Variants in PTPN21 observed in about 807,000 individuals in gnomAD.
The protein encoded by PTPN21 is protein tyrosine phosphatase non-receptor type 21.
Under a neutral mutation model 131.8 loss-of-function variants are expected in PTPN21, and 77 were observed. The observed-to-expected ratio is 0.58, with a 90% CI of 0.49 to 0.71. The LOEUF (loss-of-function observed/expected upper bound fraction) is 0.71. Among genes scored for constraint, PTPN21 ranks in the 30% least tolerant of loss-of-function variants. The probability of loss-of-function intolerance (pLI) is 0.00; values close to 1 mark genes in which losing one functional copy is unlikely to be tolerated. For synonymous variants in PTPN21, 715 were observed against 621.3 expected (o/e 1.15, Z -2.24); for missense variants, 1,552 against 1,527.1 (o/e 1.02, Z -0.27).
chr14:88,489,631 C>T (rs2077792478), intron 10 of PTPN21, among the ~76,000 whole-genome samples: 1 of 152,140 alleles, frequency 6.6e-6, no homozygotes, highest in African/African-American at 2.4e-5. Context: ...GCCTGGAAGA[C>T]AGAGCAAGAC....
At chr14:88,549,267 T>C (rs575355486) in intron 2 of PTPN21, among the ~76,000 whole-genome samples, 59 of 151,978 alleles carry the variant, frequency 3.9e-4, no homozygotes, top group Non-Finnish European at 7.5e-4. Context: ...AAAATTAAAA[T>C]GAACAAAAAA....
intron 2 of PTPN21, chr14:88,547,453 G>C: frequency 3.9e-6 from 1 of 255,998 alleles, no homozygotes; most frequent in Non-Finnish European, 7.8e-6. Flanking sequence ...TCCCAGACCA[G>C]CCTGGGCGAC....
At chr14:88,505,519 A>G (rs1184503521) in intron 4 of PTPN21, 148 bp from the exon 5 acceptor site, 2 of 513,058 alleles carry the variant, frequency 3.9e-6, no homozygotes, top group Non-Finnish European at 3.4e-6. Flanking sequence ...ATATTTTTAA[A>G]GTATCTTTTT....
intron 2 of PTPN21, among the ~76,000 whole-genome samples, chr14:88,536,786 CCTTT>C (rs1349926862): frequency 6.6e-6 from 1 of 152,130 alleles, no homozygotes; most frequent in Non-Finnish European, 1.5e-5. Context: ...CATCCTGATG[CCTTT>C]CTTAGACTAG....
intron 2 of PTPN21, among the ~76,000 whole-genome samples, chr14:88,525,125 A>C (rs752204287): frequency 2.6e-5 from 4 of 152,124 alleles, no homozygotes; most frequent in Non-Finnish European, 4.4e-5. Flanking sequence ...CTGTAGTCCC[A>C]GCTATTCAAG....
chr14:88,499,375 T>A (rs899276937), intron 8 of PTPN21: 2 of 152,236 alleles, frequency 1.3e-5, no homozygotes, highest in Non-Finnish European at 2.9e-5. Context: ...CCAAACTAGT[T>A]CTCAAGAAGA....
In PTPN21 at chr14:88,517,315, T is replaced by C; in HGVS notation, c.181-54A>G. The C allele has an allele frequency of 2.5e-6, 4 of 1,576,912 alleles. No individual in the cohort carries two copies. In the South Asian group the frequency reaches 4.4e-5, roughly 18 times the overall value. ...GCAATAACATACAAAAGGATTTCAATGACTTCAGTCGCACTAATCCCTGAC... is the reference window on the plus strand; with the variant it reads ...GCAATAACATACAAAAGGATTTCAACGACTTCAGTCGCACTAATCCCTGAC... On this transcript the variant is annotated intron_variant, in intron 2 of 18. Coordinates refer to ENST00000556564, the MANE Select transcript of PTPN21 (RefSeq NM_007039.4).
intron 2 of PTPN21, 127 bp from the exon 3 acceptor site, chr14:88,517,388 G>A (rs1196850166): frequency 7.9e-6 from 8 of 1,018,722 alleles, no homozygotes; most frequent in East Asian, 2.5e-5. Flanking sequence ...TCTCAGAGAA[G>A]AACAACAGCA....
At chr14:88,515,520 A>C (rs890508102) in intron 3 of PTPN21, 1 of 152,110 alleles carries the variant, frequency 6.6e-6, no homozygotes, top group Non-Finnish European at 1.5e-5. Context: ...TTTATTGCTA[A>C]TGTCTATTTT....
chr14:88,482,485 G>A (rs1276343730), intron 12 of PTPN21, among the ~76,000 whole-genome samples: 6 of 152,094 alleles, frequency 3.9e-5, no homozygotes, highest in Non-Finnish European at 8.8e-5. Flanking sequence ...TTAGCTGGGC[G>A]TGGTGGCGCA....
chr14:88,518,287 C>A, intron 2 of PTPN21, among the ~76,000 whole-genome samples: 1 of 90,780 alleles, frequency 1.1e-5, no homozygotes, highest in Non-Finnish European at 2.1e-5. Flanking sequence ...CACACACATA[C>A]GCACACACAC....
Position 88,470,055 on chromosome 14 carries a change from G to T in PTPN21, c.2872-5C>A. ...TTCGATTCCACTGACAGAGACCTGG[G>T]ATTAGAAAAGGTTAAAAAAATTGAT... is the stretch of plus-strand genomic sequence containing the variant. On this transcript the variant is annotated splice_region_variant and splice_polypyrimidine_tract_variant and intron_variant, in intron 15 of 18. Coordinates refer to ENST00000556564, the MANE Select transcript of PTPN21 (RefSeq NM_007039.4). 5 of 1,611,638 alleles carry T rather than the reference G, an allele frequency of 3.1e-6. No individual in the cohort carries two copies. The highest frequency in any genetic ancestry group is 4.2e-6 in the Non-Finnish European group (5 of 1,177,888).
chr14:88,505,191 T>G (rs2078069175), intron 5 of PTPN21, 113 bp downstream of exon 5: 1 of 889,058 alleles, frequency 1.1e-6, no homozygotes, highest in African/African-American at 1.7e-5. Context: ...AATTTTTTTT[T>G]ATAATCCTAT....
intron 2 of PTPN21, among the ~76,000 whole-genome samples, chr14:88,527,933 T>C (rs1473528951): frequency 6.6e-6 from 1 of 152,208 alleles, no homozygotes; most frequent in African/African-American, 2.4e-5. Flanking sequence ...CTTTATGTTT[T>C]TGTTTCCTTT....
chr14:88,531,531 T>C (rs1258504467), intron 2 of PTPN21, among the ~76,000 whole-genome samples: 1 of 152,130 alleles, frequency 6.6e-6, no homozygotes, highest in Non-Finnish European at 1.5e-5. Flanking sequence ...CACTCCAGCC[T>C]GGACAACAGA....
intron 6 of PTPN21, 69 bp downstream of exon 6, chr14:88,504,356 A>T: frequency 8.4e-7 from 1 of 1,189,638 alleles, no homozygotes; most frequent in Non-Finnish European, 1.2e-6. Flanking sequence ...TTAAATATTT[A>T]ATTGAATATT....
chr14:88,512,697 C>G (rs917995253), intron 3 of PTPN21: 1 of 152,216 alleles, frequency 6.6e-6, no homozygotes, highest in South Asian at 2.1e-4. Flanking sequence ...TGTGGCTATT[C>G]AGTACCTGAA....
intron 2 of PTPN21, among the ~76,000 whole-genome samples, chr14:88,529,026 G>A (rs943832605): frequency 6.6e-6 from 1 of 152,124 alleles, no homozygotes; most frequent in Admixed American, 6.6e-5. Context: ...GAAGAGAAGT[G>A]GTGAAAGTTA....
intron 1 of PTPN21, among the ~76,000 whole-genome samples, chr14:88,551,022 CA>C (rs1441757147): frequency 6.6e-6 from 1 of 152,088 alleles, no homozygotes; most frequent in Admixed American, 6.5e-5. Context: ...AGAAAAGTGC[CA>C]AATGGCCCCA....
Sources: gnomAD v4.1 joint callset for allele counts (sites outside exome capture counted in the v4.1 genomes callset) on GRCh38, gnomAD v4.1.1 for gene constraint, MANE v1.5 for transcripts, NCBI Gene and HGNC (gene_info 2026-07-23, HGNC 2026-07-21) for gene names.